The following CD82 variants were observed in gnomAD, a reference collection of about 807,000 sequenced individuals.
The protein encoded by CD82 is CD82 molecule, also known as CD82 antigen.
A neutral mutation model predicts 37.4 loss-of-function variants in CD82; 36 were observed. The observed-to-expected ratio is 0.96, with a 90% CI of 0.74 to 1.27. The LOEUF is 1.27. Among genes scored for constraint, CD82 ranks in the 50% most tolerant of loss-of-function variants. The pLI is 0.00. For synonymous variants in CD82, 158 were observed against 137.4 expected (o/e 1.15, Z -1.05); for missense variants, 340 against 347.0 (o/e 0.98, Z 0.16).
At chr11:44,571,743 T>C (rs1852817737) in intron 1 of CD82, among the ~76,000 whole-genome samples, 2 of 152,008 alleles carry the variant, frequency 1.3e-5, no homozygotes, top group African/African-American at 4.8e-5. Flanking sequence ...CCAGGCTAAT[T>C]TTTGTATTTT....
At chr11:44,618,606 A>C in intron 8 of CD82, 34 bp from the exon 9 acceptor site, 8 of 1,560,282 alleles carry the variant, frequency 5.1e-6, no homozygotes, top group East Asian at 2.2e-5. Context: ...GATGGTGCAG[A>C]GCGGGGTGAT....
At chr11:44,616,913 T>G (rs1853572498) in intron 7 of CD82, among the ~76,000 whole-genome samples, 1 of 152,106 alleles carries the variant, frequency 6.6e-6, no homozygotes, top group Admixed American at 6.5e-5. Context: ...CCCCCAGCCT[T>G]GCAGACCTGT....
chr11:44,612,885 C>T (rs1853506203), intron 6 of CD82, among the ~76,000 whole-genome samples: 1 of 152,028 alleles, frequency 6.6e-6, no homozygotes, highest in Non-Finnish European at 1.5e-5. Context: ...AATCTGCCCA[C>T]CTTGGCCTCC....
chr11:44,576,309 T>C (rs774369709), intron 1 of CD82, among the ~76,000 whole-genome samples: 6 of 152,206 alleles, frequency 3.9e-5, no homozygotes, highest in Non-Finnish European at 8.8e-5. Context: ...GCAGCCATAA[T>C]GTCAGGTCAG....
At chr11:44,573,450 G>GT in intron 1 of CD82, among the ~76,000 whole-genome samples, 1 of 152,258 alleles carries the variant, frequency 6.6e-6, no homozygotes, top group Non-Finnish European at 1.5e-5. Context: ...GAGCAAGTGG[G>GT]TGTCTAGGCC....
chr11:44,605,612 A>C (rs1481713975), intron 6 of CD82, among the ~76,000 whole-genome samples, 183 bp downstream of exon 6: 1 of 152,150 alleles, frequency 6.6e-6, no homozygotes, highest in Non-Finnish European at 1.5e-5. Flanking sequence ...AGAAGGCGGC[A>C]GGTGTGGGCA....
intron 4 of CD82, among the ~76,000 whole-genome samples, chr11:44,601,734 A>G (rs1268804350): frequency 6.6e-6 from 1 of 152,054 alleles, no homozygotes; most frequent in East Asian, 1.9e-4. Context: ...GGTGCATTTT[A>G]CAAATGCTTT....
intron 2 of CD82, among the ~76,000 whole-genome samples, chr11:44,591,655 C>T (rs777094815): frequency 6.6e-6 from 1 of 152,082 alleles, no homozygotes; most frequent in Non-Finnish European, 1.5e-5. Context: ...GTGACTTGGG[C>T]AAGTTACTGA....
In CD82 at chr11:44,600,170, G is replaced by A. The variant is rs1207570613; in HGVS notation, c.76G>A (p.Val26Met). The A allele has an allele frequency of 2.5e-6, 4 of 1,614,010 alleles. No homozygotes were observed. The highest frequency in any genetic ancestry group is 3.4e-6 in the Non-Finnish European group (4 of 1,179,986). Residue 26 changes from valine (V) to methionine (M), a missense_variant, in exon 4 of 10, where the codon GTG (valine) becomes ATG (methionine). Val to Met is a conservative substitution (Grantham distance 21). Transcript: ENST00000227155. Reference protein sequence around the residue: ...FNLIFFILGAVILGFGVWILA... With the variant: ...FNLIFFILGAMILGFGVWILA... ...CTTCTCCTTCCAGATCCTGGGCGCA[G>A]TGATCCTGGGCTTCGGGGTGTGGAT...
intron 1 of CD82, among the ~76,000 whole-genome samples, chr11:44,583,372 T>A (rs867454981): frequency 4.6e-5 from 7 of 152,350 alleles, no homozygotes; most frequent in South Asian, 2.1e-4. Flanking sequence ...TCCAGTCTCA[T>A]TGCTAGGGTT....
chr11:44,593,537 C>T (rs1250533076), intron 2 of CD82, among the ~76,000 whole-genome samples: 1 of 152,220 alleles, frequency 6.6e-6, no homozygotes, highest in Non-Finnish European at 1.5e-5. Flanking sequence ...CCTCCCGGGG[C>T]CCTCCCCTCA....
chr11:44,595,819 C>T (rs1334301711), intron 3 of CD82, among the ~76,000 whole-genome samples: 1 of 140,956 alleles, frequency 7.1e-6, no homozygotes, highest in Non-Finnish European at 1.5e-5. Flanking sequence ...CCTGTAATCC[C>T]AGTGCTTTGG....
intron 6 of CD82, among the ~76,000 whole-genome samples, chr11:44,607,396 G>GA (rs1853413176): frequency 6.6e-6 from 1 of 152,224 alleles, no homozygotes; most frequent in African/African-American, 2.4e-5. Flanking sequence ...TCCTTTCCCA[G>GA]AAAAATGGTC....
intron 6 of CD82, among the ~76,000 whole-genome samples, chr11:44,612,198 T>C (rs942229397): frequency 3.9e-5 from 6 of 152,202 alleles, no homozygotes; most frequent in Admixed American, 3.9e-4. Flanking sequence ...GGTATAGCCG[T>C]GTGGTTTAAA....
intron 3 of CD82, among the ~76,000 whole-genome samples, chr11:44,599,934 G>A (rs958870704): frequency 3.9e-5 from 6 of 152,284 alleles, no homozygotes; most frequent in Middle Eastern, 6.8e-3. Flanking sequence ...GTGGAGGGGG[G>A]CAAGATGGGA....
Position 44,593,343 on chromosome 11 carries a change from G to A in CD82, c.-20-1300G>A, listed in dbSNP as rs73454743. On this transcript the variant is annotated intron_variant, in intron 2 of 9. Coordinates refer to ENST00000227155, the MANE Select transcript of CD82 (RefSeq NM_002231.4). ...GGGAAACACAAGTGGGCCTGGTGCC[G>A]TCCCCTCCACCCCCCCAGCCCAGCT... is the stretch of plus-strand genomic sequence containing the variant. 5.1e-3 allele frequency among the ~76,000 whole-genome samples: 776 copies of A among 152,290 alleles called. 8 individuals are homozygous for A. The highest frequency in any genetic ancestry group is 0.017 in the African/African-American group (712 of 41,576).
In CD82 at chr11:44,614,420, A is replaced by G. The variant is rs184723301; in HGVS notation, c.337-852A>G. Among the ~76,000 whole-genome samples the G allele has an allele frequency of 2.3e-3, 347 of 152,320 alleles. 1 individual carries two copies. The highest frequency in any genetic ancestry group is 8.2e-3 in the African/African-American group (339 of 41,550). On this transcript the variant is annotated intron_variant, in intron 6 of 9. Transcript: ENST00000227155. Reference sequence around the variant, plus strand: ...CATGGGTCTGGCTCTGGTGCCTGGCAGACCATGGTGGTTAGGTGTGCATTC... The same window carrying G: ...CATGGGTCTGGCTCTGGTGCCTGGCGGACCATGGTGGTTAGGTGTGCATTC...
intron 2 of CD82, among the ~76,000 whole-genome samples, chr11:44,593,971 A>G (rs945194993): frequency 1.4e-5 from 2 of 140,416 alleles, no homozygotes; most frequent in Admixed American, 7.4e-5. Flanking sequence ...AATGAGCCCA[A>G]TTTTGATTAG....
At chr11:44,580,472 A>C (rs1183443777) in intron 1 of CD82, among the ~76,000 whole-genome samples, 1 of 152,198 alleles carries the variant, frequency 6.6e-6, no homozygotes, top group Non-Finnish European at 1.5e-5. Flanking sequence ...TCACGCCGTA[A>C]TCCCAGCACT....
Sources: gnomAD v4.1 joint callset for allele counts (sites outside exome capture counted in the v4.1 genomes callset) on GRCh38, gnomAD v4.1.1 for gene constraint, MANE v1.5 for transcripts, NCBI Gene and HGNC (gene_info 2026-07-23, HGNC 2026-07-21) for gene names.